Variants in MOB4 observed in about 807,000 individuals in gnomAD.
The protein encoded by MOB4 is MOB family member 4, phocein.
Under a neutral mutation model 32.2 loss-of-function variants are expected in MOB4, and 4 were observed. The ratio of observed to expected loss-of-function variants is 0.12; its 90% CI spans 0.06 to 0.28. The LOEUF (loss-of-function observed/expected upper bound fraction) is 0.28. Ranked by LOEUF, MOB4 falls within the 10% of genes least tolerant of loss-of-function variation. The pLI is 1.00. For synonymous variants in MOB4, 88 were observed against 88.1 expected, an observed-to-expected ratio of 1.00 and a Z score of 0.01; for missense variants, 158 against 271.2, an observed-to-expected ratio of 0.58 and a Z score of 2.93.
chr2:197,541,716 G>A (rs532002967), intron 5 of MOB4, among the ~76,000 whole-genome samples: 3 of 152,152 alleles, frequency 2.0e-5, no homozygotes, highest in East Asian at 3.9e-4. Context: ...TCAGGAGATC[G>A]AGACCATCCC....
At chr2:197,539,017 C>T (rs2086850420) in intron 3 of MOB4, among the ~76,000 whole-genome samples, 1 of 152,066 alleles carries the variant, frequency 6.6e-6, no homozygotes, top group Non-Finnish European at 1.5e-5. Flanking sequence ...GTTTTTCCAC[C>T]AAATTTGTTC....
chr2:197,547,437 A>G (rs2087016838), intron 5 of MOB4, among the ~76,000 whole-genome samples: 1 of 152,236 alleles, frequency 6.6e-6, no homozygotes, highest in African/African-American at 2.4e-5. Context: ...AGTTTTTTTC[A>G]ATAAATATTG....
At chr2:197,537,866 G>A (rs937989221) in intron 3 of MOB4, among the ~76,000 whole-genome samples, 5 of 150,564 alleles carry the variant, frequency 3.3e-5, no homozygotes, top group African/African-American at 4.9e-5. Flanking sequence ...TGCAACCTCC[G>A]CCACATGGGT....
intron 2 of MOB4, among the ~76,000 whole-genome samples, chr2:197,534,699 C>T (rs1327428530): frequency 2.0e-5 from 3 of 152,102 alleles, no homozygotes; most frequent in African/African-American, 4.8e-5. Context: ...TGTGCCACCA[C>T]GCCTGGCTAA....
At chr2:197,516,058 C>T (rs768380467), upstream of MOB4, 1 of 1,565,746 alleles carries the variant, frequency 6.4e-7, no homozygotes. Context: ...CATCCGGGTA[C>T]CGACTCCAGC....
intron 2 of MOB4, among the ~76,000 whole-genome samples, chr2:197,535,328 A>AG (rs1342583892): frequency 6.6e-6 from 1 of 152,204 alleles, no homozygotes; most frequent in African/African-American, 2.4e-5. Context: ...ATCCAAATGA[A>AG]GTTGAATTGA....
At chr2:197,539,884 T>G (rs898012038) in intron 3 of MOB4, among the ~76,000 whole-genome samples, 1 of 152,216 alleles carries the variant, frequency 6.6e-6, no homozygotes, top group Non-Finnish European at 1.5e-5. Flanking sequence ...TATAAGAGAA[T>G]GATCAGCTCA....
At chr2:197,546,493 C>G (rs1440477203) in intron 5 of MOB4, among the ~76,000 whole-genome samples, 1 of 152,154 alleles carries the variant, frequency 6.6e-6, no homozygotes, top group African/African-American at 2.4e-5. Flanking sequence ...CTCCTGTGCT[C>G]AAGCAATCCT....
intron 1 of MOB4, among the ~76,000 whole-genome samples, chr2:197,517,141 G>A (rs1469983385): frequency 6.6e-6 from 1 of 152,134 alleles, no homozygotes; most frequent in Non-Finnish European, 1.5e-5. Flanking sequence ...GGGGCATACA[G>A]GTATTGATTA....
At chr2:197,539,165 C>T (rs1183204749) in intron 3 of MOB4, among the ~76,000 whole-genome samples, 1 of 152,000 alleles carries the variant, frequency 6.6e-6, no homozygotes, top group African/African-American at 2.4e-5. Flanking sequence ...TTTATCTAAC[C>T]TGATACATTG....
At chr2:197,524,114 G>C (rs758144407) in intron 2 of MOB4, among the ~76,000 whole-genome samples, 59 of 152,218 alleles carry the variant, frequency 3.9e-4, no homozygotes, top group Admixed American at 3.1e-3. Flanking sequence ...GCACACACCT[G>C]TAGTCCCAGT....
chr2:197,550,542 A>G lies in MOB4; in HGVS notation c.574A>G (p.Thr192Ala). 2.5e-6 allele frequency: 4 copies of G among 1,605,006 alleles called. No individual in the cohort carries two copies. Among genetic ancestry groups the G allele is most frequent in the Non-Finnish European group, 2.5e-6 (3 of 1,177,218 alleles). The change falls in exon 8 of 8, where the codon ACT (threonine) becomes GCT (alanine). Residue 192 changes from threonine (T) to alanine (A), a missense_variant. Around this residue, in one of 6 missense-constraint regions of MOB4, gnomAD observed 45 missense variants for 65.6 expected, o/e 0.69. Coordinates refer to ENST00000323303, the MANE Select transcript of MOB4 (RefSeq NM_015387.5). ...TGAAACATTTTTGTGTCATCGGTTT[A>G]CTAAGTTTGTGATGAAATACAATTT... ...ENETFLCHRF[T>A]KFVMKYNLMS...
At chr2:197,536,759 A>C (rs6713113) in intron 3 of MOB4, among the ~76,000 whole-genome samples, 1 of 151,378 alleles carries the variant, frequency 6.6e-6, no homozygotes, top group African/African-American at 2.4e-5. Flanking sequence ...AGCCATGCCC[A>C]GCTAATTTTT....
chr2:197,549,876 A>AG (rs2087066460), intron 6 of MOB4, among the ~76,000 whole-genome samples: 1 of 150,608 alleles, frequency 6.6e-6, no homozygotes. Context: ...AAAAAAAAAA[A>AG]AAAGAAAAGA....
At chr2:197,545,477 G>A (rs1422633442) in intron 5 of MOB4, among the ~76,000 whole-genome samples, 2 of 152,140 alleles carry the variant, frequency 1.3e-5, no homozygotes, top group African/African-American at 2.4e-5. Flanking sequence ...GATGCAAAGT[G>A]CTGACTGTAT....
chr2:197,550,675 A>G lies in MOB4; in HGVS notation c.*29A>G, dbSNP rs1406524855. ...GAATCATAGGAAAAATGTACTGATC[A>G]TATAATTAACATTATGTACTGTATA... On this transcript the variant is annotated 3_prime_UTR_variant, in exon 8 of 8. Transcript: ENST00000323303. 1 of 1,565,476 alleles carries G rather than the reference A, an allele frequency of 6.4e-7. No homozygotes were observed. The highest frequency in any genetic ancestry group is 2.2e-5 in the East Asian group (1 of 44,568).
intron 5 of MOB4, among the ~76,000 whole-genome samples, chr2:197,547,628 A>T (rs1360816833): frequency 6.6e-6 from 1 of 152,178 alleles, no homozygotes; most frequent in Non-Finnish European, 1.5e-5. Flanking sequence ...AAATAACCTA[A>T]TTACTGGGTA....
At chr2:197,546,364 C>T (rs1023347721) in intron 5 of MOB4, among the ~76,000 whole-genome samples, 4 of 150,750 alleles carry the variant, frequency 2.7e-5, no homozygotes, top group Non-Finnish European at 3.0e-5. Flanking sequence ...CCCGGCCTCA[C>T]GTTATCCCCT....
chr2:197,528,463 A>G (rs998326409), intron 2 of MOB4, among the ~76,000 whole-genome samples: 10 of 152,154 alleles, frequency 6.6e-5, no homozygotes, highest in African/African-American at 2.4e-4. Flanking sequence ...ATATACATTG[A>G]AAACCCCATC....
Sources: gnomAD v4.1 joint callset for allele counts (sites outside exome capture counted in the v4.1 genomes callset) on GRCh38, gnomAD v4.1.1 for gene constraint, gnomAD v4.1.1 regional missense constraint, MANE v1.5 for transcripts, NCBI Gene and HGNC (gene_info 2026-07-23, HGNC 2026-07-21) for gene names.